CNIH3: variants seen among roughly 807,000 people sequenced by gnomAD.
CNIH3 encodes the protein cornichon family AMPA receptor auxiliary protein 3.
CNIH3 carries 14 observed loss-of-function variants against 24.1 expected under a neutral mutation model. The ratio of observed to expected loss-of-function variants is 0.58; its 90% confidence interval spans 0.38 to 0.91. The LOEUF (loss-of-function observed/expected upper bound fraction) is 0.91. Among genes scored for constraint, CNIH3 ranks in the 40% least tolerant of loss-of-function variants. The pLI is 0.00. For synonymous variants in CNIH3, 68 were observed against 73.8 expected (o/e 0.92, Z 0.40); for missense variants, 178 against 196.8 (o/e 0.90, Z 0.57).
chr1:224,563,729 C>G (rs1452847268), intron 3 of CNIH3, among the ~76,000 whole-genome samples: 1 of 152,114 alleles, frequency 6.6e-6, no homozygotes, highest in African/African-American at 2.4e-5. Flanking sequence ...GAAGCTCCTT[C>G]CATTCTAGGA....
At chr1:224,654,352 AG>A (rs1685002138) in intron 1 of CNIH3, among the ~76,000 whole-genome samples, 1 of 152,228 alleles carries the variant, frequency 6.6e-6, no homozygotes, top group African/African-American at 2.4e-5. Context: ...ACTGCACTCC[AG>A]CCTAGGCAAC....
intron 1 of CNIH3, among the ~76,000 whole-genome samples, chr1:224,506,049 A>C (rs1363687414): frequency 6.6e-6 from 1 of 152,192 alleles, no homozygotes; most frequent in East Asian, 1.9e-4. Context: ...CCCAAGACCC[A>C]AGCCTTTTTA....
In CNIH3 at chr1:224,704,321, A is replaced by C. The variant is rs1274393917; in HGVS notation, c.198+19478A>C. Among the ~76,000 whole-genome samples, 1 of 152,140 alleles carries C rather than the reference A, an allele frequency of 6.6e-6. No homozygotes were observed. Among genetic ancestry groups the C allele is most frequent in the Non-Finnish European group, 1.5e-5 (1 of 68,008 alleles). ...CCCTGCAGGGTCCTAACAGCTCTGA[A>C]AGCCAGCAGGGGCTCTCTGCAAAAG... On this transcript the variant is annotated intron_variant, in intron 3 of 5. Coordinates refer to ENST00000272133, the MANE Select transcript of CNIH3 (RefSeq NM_152495.2). The surrounding 1 kb of genome is among the most constrained non-coding windows in gnomAD (Gnocchi z 4.2).
intron 1 of CNIH3, among the ~76,000 whole-genome samples, chr1:224,467,114 C>T (rs976117770): frequency 6.6e-6 from 1 of 152,166 alleles, no homozygotes; most frequent in East Asian, 1.9e-4. Context: ...CAGCCTTGAC[C>T]TCCTGGGCTC....
intron 2 of CNIH3, among the ~76,000 whole-genome samples, chr1:224,542,902 A>G (rs1428620864): frequency 1.3e-5 from 2 of 152,222 alleles, no homozygotes; most frequent in African/African-American, 4.8e-5. Flanking sequence ...AGACTCTAAT[A>G]CCATTGGAAT....
intron 2 of CNIH3, among the ~76,000 whole-genome samples, chr1:224,544,750 A>G (rs1679639807): frequency 1.3e-5 from 2 of 152,172 alleles, no homozygotes; most frequent in African/African-American, 4.8e-5. Flanking sequence ...TCTTGGCACT[A>G]CTACGACCAC....
chr1:224,580,540 A>T (rs1270604770), intron 4 of CNIH3, among the ~76,000 whole-genome samples: 2 of 152,182 alleles, frequency 1.3e-5, no homozygotes, highest in Non-Finnish European at 2.9e-5. Flanking sequence ...CTGAATCCAC[A>T]TGTTACACAT....
chr1:224,733,966 G>A (rs191319860), intron 4 of CNIH3, among the ~76,000 whole-genome samples: 1 of 152,170 alleles, frequency 6.6e-6, no homozygotes. Context: ...CACAGTTCGC[G>A]TTAGCTGCTC....
chr1:224,616,982 T>C lies in CNIH3; in HGVS notation c.-193T>C. 1 of 1,408,766 alleles carries C rather than the reference T, an allele frequency of 7.1e-7. No homozygotes were observed. The highest frequency in any genetic ancestry group is 9.2e-7 in the Non-Finnish European group (1 of 1,086,788). 87.3% of individuals were successfully genotyped at this position (1,408,766 alleles called of 1,614,324 possible). A position where few individuals can be genotyped will look rare whatever the true frequency, so the allele number is the denominator to read the frequency against. ...CTTCGCCGGAGGGCCGGGTCTGGGG[T>C]CGCCGGAGCCTGCGGGAATCCAGCG... On this transcript the variant is annotated 5_prime_UTR_variant, in exon 1 of 6. Coordinates refer to ENST00000272133, the MANE Select transcript of CNIH3 (RefSeq NM_152495.2).
chr1:224,582,182 C>T (rs908420366), intron 4 of CNIH3, among the ~76,000 whole-genome samples: 13 of 152,118 alleles, frequency 8.5e-5, no homozygotes, highest in Admixed American at 2.6e-4. Context: ...CTGGGGTTCC[C>T]TTCATCCTTT....
chr1:224,658,317 C>T (rs1685192684), intron 1 of CNIH3, among the ~76,000 whole-genome samples: 1 of 152,112 alleles, frequency 6.6e-6, no homozygotes, highest in Non-Finnish European at 1.5e-5. Context: ...AGGTGTGTGT[C>T]ACCATGCCCA....
intron 1 of CNIH3, among the ~76,000 whole-genome samples, chr1:224,680,339 A>G (rs900876530): frequency 4.6e-5 from 7 of 152,116 alleles, no homozygotes; most frequent in Admixed American, 4.6e-4. Context: ...TCCTCCAGGG[A>G]TATCGGGAAA....
intron 3 of CNIH3, among the ~76,000 whole-genome samples, chr1:224,713,976 G>A (rs973866924): frequency 4.6e-5 from 7 of 151,912 alleles, no homozygotes; most frequent in South Asian, 2.1e-4. Flanking sequence ...CACCACACCC[G>A]GCTCATTTTT....
chr1:224,594,659 A>G (rs1283888504), intron 3 of CNIH3, among the ~76,000 whole-genome samples: 1 of 152,146 alleles, frequency 6.6e-6, no homozygotes, highest in African/African-American at 2.4e-5. Context: ...AGCAGCATAA[A>G]CAGTTTTGGA....
At position 224,684,496 on chromosome 1, in the gene CNIH3, G is replaced by A. The variant is rs561150249; in HGVS notation, c.151-300G>A. ...TTGACCACCTTATACGTACATGGAG[G>A]CTGAGAGAGACTTTGTAGATAAAGG... is the stretch of plus-strand genomic sequence containing the variant. On this transcript the variant is annotated intron_variant, in intron 2 of 5. Coordinates refer to ENST00000272133, the MANE Select transcript of CNIH3 (RefSeq NM_152495.2). The surrounding 1 kb of genome is among the most constrained non-coding windows in gnomAD (Gnocchi z 4.2). 2.4e-4 allele frequency among the ~76,000 whole-genome samples: 36 copies of A among 152,226 alleles called. No homozygotes were observed. Among genetic ancestry groups the A allele is most frequent in the Non-Finnish European group, 4.6e-4 (31 of 68,036 alleles).
At chr1:224,584,755 A>G (rs1325176437) in intron 5 of CNIH3, among the ~76,000 whole-genome samples, 1 of 152,216 alleles carries the variant, frequency 6.6e-6, no homozygotes, top group Non-Finnish European at 1.5e-5. Flanking sequence ...TTTCTTTGGA[A>G]TATTCCAGTT....
chr1:224,642,262 G>C lies in CNIH3; in HGVS notation c.81+25007G>C, dbSNP rs151298173. Among the ~76,000 whole-genome samples, 906 of 152,196 alleles carry C rather than the reference G, an allele frequency of 6.0e-3. 15 individuals are homozygous for C. Among genetic ancestry groups the C allele is most frequent in the African/African-American group, 0.021 (855 of 41,512 alleles). On this transcript the variant is annotated intron_variant, in intron 1 of 5. Transcript: ENST00000272133. ...TTTTTTTCCTTGAGGGTAGGGTCTTGCTCTGTCTCCCAGGCTGGAGTACAG... is the reference window on the plus strand; with the variant it reads ...TTTTTTTCCTTGAGGGTAGGGTCTTCCTCTGTCTCCCAGGCTGGAGTACAG...
intron 1 of CNIH3, among the ~76,000 whole-genome samples, chr1:224,626,010 C>T (rs76854023): frequency 0.044 from 6,609 of 151,668 alleles, 222 homozygotes; most frequent in East Asian, 0.15. Context: ...GTAGATAGTC[C>T]CCTTGTGGGT....
At position 224,528,235 on chromosome 1, in the gene CNIH3, GC is replaced by G. The variant is rs1233282912; in HGVS notation, n.343+6910del. Among the ~76,000 whole-genome samples, 3 of 152,270 alleles carry G rather than the reference GC, an allele frequency of 2.0e-5. No individual in the cohort carries two copies. The East Asian group carries it at 5.8e-4, about 29-fold the overall frequency. On this transcript the variant is annotated intron_variant and non_coding_transcript_variant, in intron 2 of 2. Transcript: ENST00000470602. ...GCTATGATCATGTCACTGCACTCCA[GC>G]CTGGGTGACAGTGCAAGGCTCTGTC...
Sources: allele counts gnomAD v4.1 joint callset (sites outside exome capture counted in the v4.1 genomes callset), GRCh38; gene constraint gnomAD v4.1.1; non-coding constraint Gnocchi (gnomAD v3.1); transcripts MANE v1.5; gene names NCBI Gene and HGNC (gene_info 2026-07-23, HGNC 2026-07-21).